Variants in FIRRM observed in about 807,000 individuals in gnomAD.
FIRRM encodes FIGNL1-interacting regulator of recombination and mitosis.
At chr1:169,849,715 A>G in the FIRRM span, 1 of 793,492 alleles carries the variant, frequency 1.3e-6, no homozygotes. Context: ...GCAATCGGAA[A>G]ATTGTCTGAA....
the FIRRM span, chr1:169,802,710 A>G: frequency 1.3e-5 from 21 of 1,607,260 alleles, 1 homozygote; most frequent in East Asian, 4.5e-4. Context: ...AGACCACTCT[A>G]AGGAATATTT....
chr1:169,847,734 C>T, the FIRRM span: 1 of 1,613,578 alleles, frequency 6.2e-7, no homozygotes. Context: ...AGCTTCCTGA[C>T]TATGTTCGTT....
chr1:169,792,992 G>C, the FIRRM span: 8 of 1,614,016 alleles, frequency 5.0e-6, no homozygotes, highest in Non-Finnish European at 6.8e-6. Context: ...TTCCAAAGTG[G>C]AGTTAGCTAC....
At chr1:169,817,314 T>TA in the FIRRM span, among the ~76,000 whole-genome samples, 2 of 152,200 alleles carry the variant, frequency 1.3e-5, no homozygotes, top group South Asian at 4.1e-4. Context: ...TGTAGCTGAT[T>TA]AAAAATCAAC....
At chr1:169,796,252 C>CA in the FIRRM span, among the ~76,000 whole-genome samples, 8 of 152,312 alleles carry the variant, frequency 5.3e-5, no homozygotes, top group African/African-American at 1.4e-4. Flanking sequence ...TAGCCACCCT[C>CA]AAAACATTCA....
At chr1:169,803,291 C>T in the FIRRM span, 1 of 1,613,654 alleles carries the variant, frequency 6.2e-7, no homozygotes, top group Non-Finnish European at 8.5e-7. Flanking sequence ...TAATTAAAAG[C>T]ACATTTGTGC....
At chr1:169,822,897 T>C in the FIRRM span, among the ~76,000 whole-genome samples, 623 of 152,318 alleles carry the variant, frequency 4.1e-3, 5 homozygotes, top group African/African-American at 0.013. Flanking sequence ...CGTTTGAACA[T>C]TGTGGTTAAA....
chr1:169,802,588 T>A, the FIRRM span: 1 of 1,409,566 alleles, frequency 7.1e-7, no homozygotes, highest in East Asian at 2.3e-5. Context: ...TGATTTCTCT[T>A]ATTCCTGTTT....
At chr1:169,798,107 T>A in the FIRRM span, among the ~76,000 whole-genome samples, 2 of 152,068 alleles carry the variant, frequency 1.3e-5, no homozygotes, top group East Asian at 3.9e-4. Flanking sequence ...GAAAGAAAAA[T>A]TTCTTGTAAT....
At chr1:169,804,883 G>A in the FIRRM span, among the ~76,000 whole-genome samples, 96 of 151,940 alleles carry the variant, frequency 6.3e-4, no homozygotes, top group Middle Eastern at 3.2e-3. Flanking sequence ...GGGTTTCACC[G>A]TGTTGGCCAG....
At chr1:169,851,941 G>A in the FIRRM span, 1 of 1,613,972 alleles carries the variant, frequency 6.2e-7, no homozygotes, top group South Asian at 1.1e-5. Context: ...TTACAGGTAT[G>A]GGCTGATTTC....
chr1:169,832,418 T>C, the FIRRM span: 1 of 1,608,778 alleles, frequency 6.2e-7, no homozygotes, highest in Non-Finnish European at 8.5e-7. Context: ...TTTTTCCAGA[T>C]AAAGTCATGC....
chr1:169,829,544 C>T, the FIRRM span: 1 of 1,165,034 alleles, frequency 8.6e-7, no homozygotes, highest in South Asian at 1.8e-5. Flanking sequence ...TGTGGGAATA[C>T]TTAGTATATT....
the FIRRM span, chr1:169,792,905 C>T: frequency 1.1e-5 from 17 of 1,613,958 alleles, no homozygotes; most frequent in Middle Eastern, 1.6e-4. Flanking sequence ...AGAAAAAAAT[C>T]GGCATTTATA....
the FIRRM span, among the ~76,000 whole-genome samples, chr1:169,790,548 T>C: frequency 6.6e-6 from 1 of 152,156 alleles, no homozygotes; most frequent in Non-Finnish European, 1.5e-5. Flanking sequence ...GCTTTGATCC[T>C]TTCTGCACTT....
At chr1:169,843,549 ATGAG>A in the FIRRM span, 3 of 625,874 alleles carry the variant, frequency 4.8e-6, no homozygotes, top group Non-Finnish European at 8.5e-6. Context: ...TAAGGCATAA[ATGAG>A]GTAATAAATA....
chr1:169,799,908 G>A, the FIRRM span, among the ~76,000 whole-genome samples: 1 of 152,104 alleles, frequency 6.6e-6, no homozygotes, highest in African/African-American at 2.4e-5. Flanking sequence ...TGCCCAGGCT[G>A]GAGAGCAGTA....
At chr1:169,826,650 A>G in the FIRRM span, among the ~76,000 whole-genome samples, 5 of 152,240 alleles carry the variant, frequency 3.3e-5, no homozygotes, top group Non-Finnish European at 7.3e-5. Context: ...GGCATGAGCC[A>G]CCACGCTCCG....
chr1:169,784,655 C>T, the FIRRM span, among the ~76,000 whole-genome samples: 3 of 152,150 alleles, frequency 2.0e-5, no homozygotes, highest in African/African-American at 4.8e-5. Context: ...ATCTCCGAAC[C>T]TTCATAAATT....
Sources: gnomAD v4.1 joint callset for allele counts (sites outside exome capture counted in the v4.1 genomes callset) on GRCh38, gnomAD v4.1.1 for gene constraint, MANE v1.5 for transcripts, NCBI Gene and HGNC (gene_info 2026-07-23, HGNC 2026-07-21) for gene names.